Variants in AMOTL1 observed in about 807,000 individuals in gnomAD.
The protein encoded by AMOTL1 is angiomotin-like protein 1.
Under a neutral mutation model 102.9 loss-of-function variants are expected in AMOTL1, and 45 were observed. The ratio of observed to expected loss-of-function variants is 0.44; its 90% confidence interval spans 0.34 to 0.56. AMOTL1 has a LOEUF of 0.56. AMOTL1 is among the 20% of genes least tolerant of loss of function. The pLI is 0.01. For synonymous variants in AMOTL1, 481 were observed against 484.7 expected (o/e 0.99, Z 0.10); for missense variants, 1,114 against 1,225.6 (o/e 0.91, Z 1.36).
intron 6 of AMOTL1, among the ~76,000 whole-genome samples, chr11:94,849,256 G>A (rs333013): frequency 0.14 from 21,745 of 152,008 alleles, 3,475 homozygotes; most frequent in African/African-American, 0.39. Flanking sequence ...AATCTCTTAC[G>A]TACTGTTTGT....
At chr11:94,848,497 G>C (rs1238780107) in intron 6 of AMOTL1, among the ~76,000 whole-genome samples, 1 of 152,204 alleles carries the variant, frequency 6.6e-6, no homozygotes, top group Non-Finnish European at 1.5e-5. Context: ...TTCAGAAGCT[G>C]TTCCATTGCC....
At chr11:94,840,643 A>G (rs1463612881) in intron 6 of AMOTL1, among the ~76,000 whole-genome samples, 1 of 136,288 alleles carries the variant, frequency 7.3e-6, no homozygotes, top group Non-Finnish European at 1.5e-5. Flanking sequence ...CAGAGGGGCC[A>G]CTTAAAAAAC....
rs1952946208 is a variant in AMOTL1 at position 94,869,331 on chromosome 11, C to T, written c.2622C>T (p.Asp874=). ...SSAHAKTGSK[D]SSTQTDKSAE... ...CCCACGCCAAGACAGGCAGCAAGGACAGCAGCACACAGACTGACAAGAGTG... is the reference window on the plus strand; with the variant it reads ...CCCACGCCAAGACAGGCAGCAAGGATAGCAGCACACAGACTGACAAGAGTG... The change falls in exon 12 of 13, where the codon GAC becomes GAT. Residue 874 remains aspartate, a synonymous_variant. Transcript: ENST00000433060. The T allele has an allele frequency of 2.5e-6, 4 of 1,612,460 alleles. No individual in the cohort carries two copies. In the East Asian group the frequency reaches 6.7e-5, roughly 27 times the overall value.
chr11:94,729,005 G>A (rs1022510298), exon 2 of AMOTL1: 2 of 1,288,974 alleles, frequency 1.6e-6, no homozygotes, highest in African/African-American at 1.5e-5. Flanking sequence ...TTGGAGGAAG[G>A]AGCCTGGTTA....
At chr11:94,827,360 C>T (rs1951986884) in intron 4 of AMOTL1, among the ~76,000 whole-genome samples, 1 of 152,218 alleles carries the variant, frequency 6.6e-6, no homozygotes, top group Non-Finnish European at 1.5e-5. Context: ...GTACTCTCAT[C>T]TTCCCTGGTG....
At chr11:94,728,202 G>A (rs1455582111) in intron 1 of AMOTL1, among the ~76,000 whole-genome samples, 1 of 152,122 alleles carries the variant, frequency 6.6e-6, no homozygotes, top group Non-Finnish European at 1.5e-5. Context: ...ATGGGCAAGA[G>A]TTTGGCCATG....
intron 1 of AMOTL1, among the ~76,000 whole-genome samples, chr11:94,771,990 T>C (rs1043162349): frequency 1.3e-5 from 2 of 152,220 alleles, no homozygotes; most frequent in African/African-American, 4.8e-5. Context: ...ATACCTCTAT[T>C]TTTTCATTTT....
In AMOTL1 at chr11:94,830,182, A is replaced by G; in HGVS notation, c.1546A>G (p.Arg516Gly). 1 of 1,605,774 alleles carries G rather than the reference A, an allele frequency of 6.2e-7. No individual in the cohort carries two copies. The highest frequency in any genetic ancestry group is 1.1e-5 in the South Asian group (1 of 88,628). The change falls in exon 5 of 13, where the codon AGA (arginine) becomes GGA (glycine). Residue 516 changes from arginine (R) to glycine (G), a missense_variant. Coordinates refer to ENST00000433060, the MANE Select transcript of AMOTL1 (RefSeq NM_130847.3). ...GATTAGAAGACTTCATGATTTCAAC[A>G]GAGACCTCCGAGGCAGGTTTATTCA... ...GEIRRLHDFN[R>G]DLRDRLETAN...
intron 1 of AMOTL1, among the ~76,000 whole-genome samples, chr11:94,714,417 G>T (rs1045462820): frequency 8.6e-5 from 13 of 151,970 alleles, no homozygotes; most frequent in African/African-American, 2.4e-4. Flanking sequence ...GAAAGTGATT[G>T]CTTCTTTTCT....
intron 11 of AMOTL1, among the ~76,000 whole-genome samples, chr11:94,867,772 C>T (rs913542670): frequency 1.1e-4 from 17 of 152,204 alleles, no homozygotes; most frequent in Non-Finnish European, 2.4e-4. Context: ...GTGACTTATT[C>T]AGCCTGTCAC....
intron 3 of AMOTL1, among the ~76,000 whole-genome samples, chr11:94,746,190 T>A (rs1223462786): frequency 6.6e-6 from 1 of 152,208 alleles, no homozygotes. Context: ...GGATGAATGC[T>A]GTATTGAAGT....
intron 4 of AMOTL1, among the ~76,000 whole-genome samples, chr11:94,829,425 G>T (rs536190551): frequency 6.6e-6 from 1 of 151,938 alleles, no homozygotes; most frequent in Admixed American, 6.6e-5. Flanking sequence ...GTTTCACCAT[G>T]TTGGCCAGAC....
At chr11:94,821,427 C>A in intron 3 of AMOTL1, 103 bp from the exon 4 acceptor site, 1 of 1,250,272 alleles carries the variant, frequency 8.0e-7, no homozygotes. Flanking sequence ...GCACTGATGG[C>A]CTCTGACCAT....
At chr11:94,866,195 T>C (rs1411679887) in intron 11 of AMOTL1, 27 bp downstream of exon 11, 3 of 1,608,140 alleles carry the variant, frequency 1.9e-6, no homozygotes. Flanking sequence ...TGTCAGACCA[T>C]GATTGGAAAA....
chr11:94,843,514 G>T (rs1194993671), intron 6 of AMOTL1, among the ~76,000 whole-genome samples: 2 of 152,120 alleles, frequency 1.3e-5, no homozygotes, highest in African/African-American at 4.8e-5. Flanking sequence ...CAGAAAAAAA[G>T]AAATTACCTT....
chr11:94,717,965 T>C (rs1023082361), intron 1 of AMOTL1, among the ~76,000 whole-genome samples: 20 of 151,766 alleles, frequency 1.3e-4, no homozygotes, highest in Non-Finnish European at 2.2e-4. Context: ...AAAACTTTCT[T>C]CCTCTCATTA....
At position 94,850,107 on chromosome 11, in the gene AMOTL1, C is replaced by A; in HGVS notation, c.1649-7C>A. The A allele has an allele frequency of 1.3e-6, 2 of 1,576,448 alleles. No homozygotes were observed. Among genetic ancestry groups the A allele is most frequent in the East Asian group, 2.3e-5 (1 of 43,220 alleles). ...TAGAGGTAGTTTTGTTCGTGTTTCC[C>A]TTCTAGACAAAGAATTCTTGAAGGA... On this transcript the variant is annotated splice_region_variant and splice_polypyrimidine_tract_variant and intron_variant, in intron 6 of 12. Transcript: ENST00000433060.
chr11:94,740,318 AGGGAATC>A, intron 2 of AMOTL1: 1 of 152,342 alleles, frequency 6.6e-6, no homozygotes, highest in East Asian at 1.9e-4. Context: ...ATAACAGAGC[AGGGAATC>A]GGGTTAGAAC....
upstream of AMOTL1, among the ~76,000 whole-genome samples, chr11:94,763,701 A>G (rs1052434264): frequency 2.6e-5 from 4 of 152,230 alleles, no homozygotes; most frequent in Non-Finnish European, 2.9e-5. Flanking sequence ...TATTAAGAAA[A>G]TCACAAGGCA....
Sources: gnomAD v4.1 joint callset for allele counts (sites outside exome capture counted in the v4.1 genomes callset) on GRCh38, gnomAD v4.1.1 for gene constraint, MANE v1.5 for transcripts, NCBI Gene and HGNC (gene_info 2026-07-23, HGNC 2026-07-21) for gene names.